Variants in CRLF3 observed in about 807,000 individuals in gnomAD.
The protein encoded by CRLF3 is cytokine receptor like factor 3.
Under a neutral mutation model 55.0 loss-of-function variants are expected in CRLF3, and 33 were observed. The ratio of observed to expected loss-of-function variants is 0.60; its 90% CI spans 0.46 to 0.80. The LOEUF is 0.80. CRLF3 is among the 30% of genes least tolerant of loss of function. The pLI, the probability that CRLF3 is intolerant of heterozygous loss-of-function variation, is 0.00. For synonymous variants in CRLF3, 238 were observed against 196.8 expected (o/e 1.21, Z -1.75); for missense variants, 494 against 538.4 (o/e 0.92, Z 0.82).
intron 1 of CRLF3, among the ~76,000 whole-genome samples, chr17:30,824,180 A>G (rs188633606): frequency 1.3e-5 from 2 of 151,432 alleles, no homozygotes; most frequent in African/African-American, 4.8e-5. Flanking sequence ...GTTTTTTACC[A>G]GTCTCCTCCT....
chr17:30,784,235 G>A lies in CRLF3; in HGVS notation c.1281C>T (p.Tyr427=), dbSNP rs1567655436. ...WLLDQSCGSL[Y]FGCSFFYPGW... Reference sequence around the variant, plus strand: ...CAGGATAGAAAAATGAGCATCCAAAGTAAAGAGAACCACAAGACTGATCAA... The same window carrying A: ...CAGGATAGAAAAATGAGCATCCAAAATAAAGAGAACCACAAGACTGATCAA... Residue 427 remains tyrosine, a synonymous_variant, in exon 8 of 8, where the codon TAC becomes TAT. Coordinates refer to ENST00000324238, the MANE Select transcript of CRLF3 (RefSeq NM_015986.4). 1 of 1,613,906 alleles carries A rather than the reference G, an allele frequency of 6.2e-7. No homozygotes were observed. The highest frequency in any genetic ancestry group is 2.2e-5 in the East Asian group (1 of 44,864).
At chr17:30,803,720 T>C (rs1972042077) in intron 2 of CRLF3, 181 bp downstream of exon 2, 1 of 618,386 alleles carries the variant, frequency 1.6e-6, no homozygotes, top group African/African-American at 1.8e-5. Context: ...TCTCTTCTCT[T>C]GTCTGCCGCC....
chr17:30,787,026 G>A (rs1184948939), intron 6 of CRLF3, among the ~76,000 whole-genome samples: 3 of 152,092 alleles, frequency 2.0e-5, no homozygotes, highest in Admixed American at 6.6e-5. Flanking sequence ...GTAGAGACAC[G>A]GTTTCACCAT....
At chr17:30,794,004 AATTTTTTGT>A (rs890453345) in intron 4 of CRLF3, among the ~76,000 whole-genome samples, 6 of 151,998 alleles carry the variant, frequency 3.9e-5, no homozygotes, top group African/African-American at 1.2e-4. Flanking sequence ...ATGTCCGGCT[AATTTTTTGT>A]ATTTTTTGTA....
At chr17:30,789,930 T>C (rs2142246074) in intron 6 of CRLF3, among the ~76,000 whole-genome samples, 1 of 151,986 alleles carries the variant, frequency 6.6e-6, no homozygotes, top group Admixed American at 6.6e-5. Context: ...AGAGAAGGGG[T>C]ATGTAAGTAC....
chr17:30,811,968 G>A (rs944258437), intron 1 of CRLF3, among the ~76,000 whole-genome samples: 30 of 151,894 alleles, frequency 2.0e-4, no homozygotes, highest in Admixed American at 1.4e-3. Context: ...AAATTAGTTG[G>A]GCTTGGTGGC....
At chr17:30,792,722 C>T (rs1230294477) in intron 5 of CRLF3, 150 bp from the exon 6 acceptor site, 3 of 592,564 alleles carry the variant, frequency 5.1e-6, no homozygotes, top group Non-Finnish European at 8.6e-6. Flanking sequence ...AACAGGGTAT[C>T]ATGATCAGTC....
chr17:30,792,377 T>G (rs559611869), intron 6 of CRLF3, 63 bp downstream of exon 6: 116 of 1,469,018 alleles, frequency 7.9e-5, no homozygotes, highest in South Asian at 1.9e-4. Flanking sequence ...TCAAAGCTTA[T>G]GTATGCTCTA....
intron 7 of CRLF3, chr17:30,785,259 T>C (rs1487972251): frequency 6.6e-6 from 1 of 151,600 alleles, no homozygotes; most frequent in Non-Finnish European, 1.5e-5. Flanking sequence ...GTATTTTTAG[T>C]AGAGACAGGG....
chr17:30,805,190 GAAAT>G (rs1345558030), intron 1 of CRLF3, among the ~76,000 whole-genome samples: 1 of 151,714 alleles, frequency 6.6e-6, no homozygotes, highest in African/African-American at 2.4e-5. Context: ...TCAAAAAAGA[GAAAT>G]AAATAATAGT....
chr17:30,792,399 C>A, intron 6 of CRLF3, 41 bp downstream of exon 6: 1 of 1,580,474 alleles, frequency 6.3e-7, no homozygotes, highest in South Asian at 1.1e-5. Flanking sequence ...GCACTTCACT[C>A]TGCTTCCTGA....
At chr17:30,788,596 C>CTTTTTTT (rs1429494338) in intron 6 of CRLF3, among the ~76,000 whole-genome samples, 1 of 120,294 alleles carries the variant, frequency 8.3e-6, no homozygotes, top group African/African-American at 3.5e-5. Context: ...AAAGTAGTGC[C>CTTTTTTT]TTCTTTTTTT....
intron 1 of CRLF3, among the ~76,000 whole-genome samples, chr17:30,812,053 C>T (rs1904645744): frequency 6.6e-6 from 1 of 151,306 alleles, no homozygotes. Flanking sequence ...GAGCTTGCAG[C>T]AAGCTGAGAT....
chr17:30,816,625 G>C (rs536840810), intron 1 of CRLF3, among the ~76,000 whole-genome samples: 1 of 151,532 alleles, frequency 6.6e-6, no homozygotes, highest in African/African-American at 2.4e-5. Context: ...GAGTAGCTGG[G>C]ACCACAGGCA....
chr17:30,791,408 G>A (rs765358666), intron 6 of CRLF3, among the ~76,000 whole-genome samples: 2 of 151,698 alleles, frequency 1.3e-5, no homozygotes, highest in African/African-American at 4.8e-5. Flanking sequence ...GGTTTTACCA[G>A]GTTGACCAGG....
At chr17:30,803,655 C>G (rs1359751818) in intron 2 of CRLF3, 1 of 463,776 alleles carries the variant, frequency 2.2e-6, no homozygotes, top group Non-Finnish European at 3.9e-6. Flanking sequence ...TAGTGAATAA[C>G]TCTCATGAGA....
rs780229090 is a variant in CRLF3 at position 30,804,080 on chromosome 17, T to A, written c.158A>T (p.Asp53Val). Reference sequence around the variant, plus strand: ...ATCATTAAAATGCTGTTTGAGAACATCCCTTGTCTGTGATGCACTTTCTTT... The same window carrying A: ...ATCATTAAAATGCTGTTTGAGAACAACCCTTGTCTGTGATGCACTTTCTTT... ...QIKESASQTR[D>V]VLKQHFNDLK... Residue 53 changes from aspartate (D) to valine (V), a missense_variant, in exon 2 of 8, where the codon GAT becomes GTT. Coordinates refer to ENST00000324238, the MANE Select transcript of CRLF3 (RefSeq NM_015986.4). 1.2e-6 allele frequency: 2 copies of A among 1,613,532 alleles called. No homozygotes were observed. Among genetic ancestry groups the A allele is most frequent in the African/African-American group, 2.7e-5 (2 of 75,022 alleles).
intron 1 of CRLF3, among the ~76,000 whole-genome samples, chr17:30,813,093 C>T (rs967781515): frequency 2.0e-5 from 3 of 152,112 alleles, no homozygotes; most frequent in Non-Finnish European, 4.4e-5. Context: ...AAAATGGTTG[C>T]TTTTTAAGTC....
chr17:30,796,482 A>C, intron 3 of CRLF3, 145 bp from the exon 4 acceptor site: 1 of 574,324 alleles, frequency 1.7e-6, no homozygotes, highest in Non-Finnish European at 3.0e-6. Context: ...GCAAGATGTT[A>C]CACAAAGATT....
Sources: gnomAD v4.1 joint callset for allele counts (sites outside exome capture counted in the v4.1 genomes callset) on GRCh38, gnomAD v4.1.1 for gene constraint, MANE v1.5 for transcripts, NCBI Gene and HGNC (gene_info 2026-07-23, HGNC 2026-07-21) for gene names.